ZFYVE9: variants seen among roughly 807,000 people sequenced by gnomAD.
The protein encoded by ZFYVE9 is zinc finger FYVE-type containing 9, also known as zinc finger FYVE domain-containing protein 9.
In ZFYVE9, 43 loss-of-function variants were observed where a neutral mutation model predicts 126.7. The ratio of observed to expected loss-of-function variants is 0.34; its 90% CI spans 0.27 to 0.44. ZFYVE9 has a LOEUF of 0.44. ZFYVE9 is among the 20% of genes least tolerant of loss of function. The pLI is 1.00. For missense variants in ZFYVE9, 1,476 were observed against 1,697.0 expected (o/e 0.87, Z 2.29); for synonymous variants, 521 against 597.4 (o/e 0.87, Z 1.87).
At position 52,161,424 on chromosome 1, in the gene ZFYVE9, G is replaced by A. The variant is rs975285591; in HGVS notation, c.-143+19021G>A. Reference sequence around the variant, plus strand: ...CCTGCCTCAGCCTCCTGAGTAGCTGGGACAGCAAGCACGCACTACCACGCC... The same window carrying A: ...CCTGCCTCAGCCTCCTGAGTAGCTGAGACAGCAAGCACGCACTACCACGCC... On this transcript the variant is annotated intron_variant, in intron 1 of 18. Coordinates refer to ENST00000287727, the MANE Select transcript of ZFYVE9 (RefSeq NM_004799.4). 3.3e-5 allele frequency among the ~76,000 whole-genome samples: 5 copies of A among 152,142 alleles called. No homozygotes were observed. In the East Asian group the frequency reaches 9.6e-4, roughly 29 times the overall value.
chr1:52,220,323 T>TA (rs968259557), intron 2 of ZFYVE9, among the ~76,000 whole-genome samples: 1 of 152,172 alleles, frequency 6.6e-6, no homozygotes, highest in Non-Finnish European at 1.5e-5. Context: ...GAATCAGTGT[T>TA]CTCTATTAGT....
chr1:52,250,293 C>G (rs1002688308), intron 4 of ZFYVE9, among the ~76,000 whole-genome samples: 1 of 152,024 alleles, frequency 6.6e-6, no homozygotes, highest in African/African-American at 2.4e-5. Flanking sequence ...TTTTAGCAAT[C>G]TTTTGTCTTT....
intron 1 of ZFYVE9, chr1:52,162,590 C>A: frequency 3.9e-6 from 1 of 258,284 alleles, no homozygotes; most frequent in South Asian, 6.5e-5. Flanking sequence ...TGGCACCATT[C>A]AAAGGTCCAT....
intron 15 of ZFYVE9, among the ~76,000 whole-genome samples, chr1:52,335,979 C>CA (rs774920285): frequency 2.6e-5 from 4 of 152,044 alleles, no homozygotes; most frequent in Non-Finnish European, 5.9e-5. Flanking sequence ...ACTAAAAATA[C>CA]AAAAAACAGC....
intron 15 of ZFYVE9, among the ~76,000 whole-genome samples, chr1:52,336,947 T>TAAAAAAA (rs71041896): frequency 3.7e-5 from 4 of 107,848 alleles, no homozygotes; most frequent in East Asian, 2.9e-4. Context: ...AGTCATCTCT[T>TAAAAAAA]AAAAAAAAAA....
intron 9 of ZFYVE9, among the ~76,000 whole-genome samples, 193 bp from the exon 10 acceptor site, chr1:52,281,468 A>G (rs1645805035): frequency 6.6e-6 from 1 of 152,156 alleles, no homozygotes. Flanking sequence ...AAAGAGCCAG[A>G]GGCATTGGCA....
intron 1 of ZFYVE9, among the ~76,000 whole-genome samples, chr1:52,175,192 C>A (rs1362460150): frequency 6.6e-6 from 1 of 151,574 alleles, no homozygotes; most frequent in African/African-American, 2.4e-5. Flanking sequence ...TCTTTTAGGG[C>A]AGGCCTGGTG....
intron 8 of ZFYVE9, among the ~76,000 whole-genome samples, chr1:52,274,831 TAGC>T (rs1362783230): frequency 1.3e-5 from 2 of 152,206 alleles, no homozygotes; most frequent in Admixed American, 6.5e-5. Context: ...TGTAGTTTAT[TAGC>T]AGTTTTTAAA....
chr1:52,326,817 C>T (rs969417873), intron 13 of ZFYVE9, among the ~76,000 whole-genome samples: 4 of 151,752 alleles, frequency 2.6e-5, no homozygotes, highest in African/African-American at 9.7e-5. Flanking sequence ...TGCAATGAGC[C>T]AAGACTGCAC....
rs553881085 is a variant in ZFYVE9 at position 52,158,359 on chromosome 1, T to C, written c.-143+15956T>C. On this transcript the variant is annotated intron_variant, in intron 1 of 18. Transcript: ENST00000287727. ...GTTAGCACTAGCTATTATCATGGCA[T>C]CTAGGAATGCAGATAGGGACAGATC... Among the ~76,000 whole-genome samples, 6 of 152,342 alleles carry C rather than the reference T, an allele frequency of 3.9e-5. No homozygotes were observed. The South Asian group carries it at 6.2e-4, about 16-fold the overall frequency.
At chr1:52,248,408 TG>T (rs755269249) in intron 4 of ZFYVE9, among the ~76,000 whole-genome samples, 1 of 152,186 alleles carries the variant, frequency 6.6e-6, no homozygotes, top group Non-Finnish European at 1.5e-5. Flanking sequence ...TTTAGTGCAC[TG>T]GCAGCTGATT....
chr1:52,345,067 G>T, intron 18 of ZFYVE9, 123 bp downstream of exon 18: 1 of 1,078,200 alleles, frequency 9.3e-7, no homozygotes, highest in Non-Finnish European at 1.4e-6. Flanking sequence ...ACTGGATATA[G>T]TGTTTTTGGC....
chr1:52,147,300 A>G (rs889945077), intron 1 of ZFYVE9, among the ~76,000 whole-genome samples: 2 of 152,200 alleles, frequency 1.3e-5, no homozygotes, highest in African/African-American at 4.8e-5. Context: ...TTAGAACAGT[A>G]TTATATATTC....
At chr1:52,302,113 G>C (rs1646041505) in intron 12 of ZFYVE9, among the ~76,000 whole-genome samples, 1 of 152,072 alleles carries the variant, frequency 6.6e-6, no homozygotes, top group Non-Finnish European at 1.5e-5. Flanking sequence ...CTAACTTCTT[G>C]TATAAGTTCT....
chr1:52,224,174 T>C (rs1435588658), intron 2 of ZFYVE9, among the ~76,000 whole-genome samples: 1 of 152,224 alleles, frequency 6.6e-6, no homozygotes, highest in African/African-American at 2.4e-5. Context: ...GATATCCCTT[T>C]GGCATTGTCT....
rs185469094 is a variant in ZFYVE9 at position 52,213,467 on chromosome 1, A to G, written c.-142-2902A>G. ...GGAGTTTGAGACCAGCCTGGGCAAC[A>G]TAGTGAAACCCTGTCTCTACTAAAA... On this transcript the variant is annotated intron_variant, in intron 1 of 18. Transcript: ENST00000287727. 3.4e-3 allele frequency among the ~76,000 whole-genome samples: 510 copies of G among 152,172 alleles called. 2 individuals carry two copies. Among genetic ancestry groups the G allele is most frequent in the African/African-American group, 0.012 (479 of 41,510 alleles).
chr1:52,278,468 T>G (rs1645769900), intron 8 of ZFYVE9, 24 bp from the exon 9 acceptor site: 1 of 1,613,958 alleles, frequency 6.2e-7, no homozygotes, highest in East Asian at 2.2e-5. Context: ...AACCAATCTA[T>G]TACATTGTTT....
At chr1:52,168,448 CTCAGGTGATCTGCCT>C (rs1218400669) in intron 1 of ZFYVE9, among the ~76,000 whole-genome samples, 1 of 151,624 alleles carries the variant, frequency 6.6e-6, no homozygotes, top group Non-Finnish European at 1.5e-5. Context: ...AACTCCTGAC[CTCAGGTGATCTGCCT>C]GCCTTGGCCT....
chr1:52,212,338 C>T (rs980233599), intron 1 of ZFYVE9, among the ~76,000 whole-genome samples: 3 of 151,990 alleles, frequency 2.0e-5, no homozygotes, highest in African/African-American at 7.3e-5. Flanking sequence ...AGAGATGGGG[C>T]CTTGCCATGC....
Sources: allele counts gnomAD v4.1 joint callset (sites outside exome capture counted in the v4.1 genomes callset), GRCh38; gene constraint gnomAD v4.1.1; transcripts MANE v1.5; gene names NCBI Gene and HGNC (gene_info 2026-07-23, HGNC 2026-07-21).